GRB14: variants seen among roughly 807,000 people sequenced by gnomAD.
GRB14 encodes the protein growth factor receptor-bound protein 14.
A neutral mutation model predicts 69.1 loss-of-function variants in GRB14; 38 were observed. The observed-to-expected ratio is 0.55, with a 90% CI of 0.42 to 0.72. The LOEUF (loss-of-function observed/expected upper bound fraction) is 0.72. GRB14 is among the 30% of genes least tolerant of loss of function. The pLI is 0.00. For missense variants in GRB14, 666 were observed against 666.1 expected (o/e 1.00, Z 0.00); for synonymous variants, 247 against 241.3 (o/e 1.02, Z -0.22).
intron 3 of GRB14, among the ~76,000 whole-genome samples, chr2:164,542,907 A>G (rs1396236233): frequency 6.6e-6 from 1 of 152,210 alleles, no homozygotes; most frequent in Non-Finnish European, 1.5e-5. Flanking sequence ...TCCAAAATAA[A>G]TAAAAAGACA....
At chr2:164,539,241 A>G (rs1240469893) in intron 3 of GRB14, among the ~76,000 whole-genome samples, 3 of 152,180 alleles carry the variant, frequency 2.0e-5, no homozygotes, top group South Asian at 2.1e-4. Flanking sequence ...TTGGGAGGCC[A>G]AGGCAGATGG....
In GRB14 at chr2:164,493,095, G is replaced by A. The variant is rs1418640868; in HGVS notation, c.1564C>T (p.Leu522Phe). The part of the protein sequence containing the change: ...DLIQLVEFYQ[L>F]NKGVLPCKLK... ...TTGCAAGGAAGAACGCCCTTATTGAGTTGATAGAACTCCACCAGCTGTATT... is the reference window on the plus strand; with the variant it reads ...TTGCAAGGAAGAACGCCCTTATTGAATTGATAGAACTCCACCAGCTGTATT... The change falls in exon 14 of 14, where the codon CTC (leucine) becomes TTC (phenylalanine). Residue 522 changes from leucine to phenylalanine, a missense_variant. Physicochemically the swap from Leu to Phe is conservative, Grantham distance 22. Coordinates refer to ENST00000263915, the MANE Select transcript of GRB14 (RefSeq NM_004490.3). 1 of 1,613,614 alleles carries A rather than the reference G, an allele frequency of 6.2e-7. No individual in the cohort carries two copies. Among genetic ancestry groups the A allele is most frequent in the Admixed American group, 1.7e-5 (1 of 59,988 alleles).
intron 2 of GRB14, among the ~76,000 whole-genome samples, chr2:164,555,521 T>C (rs996022068): frequency 6.6e-6 from 1 of 152,048 alleles, no homozygotes; most frequent in Non-Finnish European, 1.5e-5. Flanking sequence ...TAGTTATCTA[T>C]GGTTATCTTC....
chr2:164,604,109 G>T (rs563970708), intron 2 of GRB14, among the ~76,000 whole-genome samples: 1 of 152,326 alleles, frequency 6.6e-6, no homozygotes, highest in East Asian at 1.9e-4. Flanking sequence ...TGATGAGAAA[G>T]TGTGGAAATG....
chr2:164,527,743 A>T (rs974400620), intron 3 of GRB14, among the ~76,000 whole-genome samples: 2 of 152,166 alleles, frequency 1.3e-5, no homozygotes, highest in Admixed American at 6.6e-5. Flanking sequence ...TACCAAGGAA[A>T]ATATATTTTG....
At chr2:164,613,035 G>A (rs573805678) in intron 2 of GRB14, among the ~76,000 whole-genome samples, 2 of 152,286 alleles carry the variant, frequency 1.3e-5, no homozygotes, top group East Asian at 3.9e-4. Context: ...GTCATCAGGG[G>A]TTAAGGGACC....
chr2:164,523,227 A>T (rs188891155), intron 5 of GRB14, among the ~76,000 whole-genome samples: 1 of 152,214 alleles, frequency 6.6e-6, no homozygotes, highest in Admixed American at 6.5e-5. Flanking sequence ...CCTGTCCCAC[A>T]AATTGTTGGC....
chr2:164,519,298 A>T lies in GRB14; in HGVS notation c.816+2682T>A, dbSNP rs1387017697. On this transcript the variant is annotated intron_variant, in intron 6 of 13. Coordinates refer to ENST00000263915, the MANE Select transcript of GRB14 (RefSeq NM_004490.3). Reference sequence around the variant, plus strand: ...CATGTTCATCTCAATAGCGTTAGTCAAAATCCAGCAACACTTTATGATAAA... The same window carrying T: ...CATGTTCATCTCAATAGCGTTAGTCTAAATCCAGCAACACTTTATGATAAA... Among the ~76,000 whole-genome samples the T allele has an allele frequency of 2.6e-5, 4 of 152,260 alleles. No individual in the cohort carries two copies. In the East Asian group the frequency reaches 7.7e-4, roughly 29 times the overall value.
chr2:164,510,654 T>C (rs925678121), intron 6 of GRB14, among the ~76,000 whole-genome samples: 5 of 151,998 alleles, frequency 3.3e-5, no homozygotes, highest in African/African-American at 1.2e-4. Flanking sequence ...AAATTTAACA[T>C]TTACACCAAA....
At chr2:164,619,594 C>T (rs1350977107) in intron 2 of GRB14, 93 bp downstream of exon 2, 5 of 821,492 alleles carry the variant, frequency 6.1e-6, no homozygotes, top group African/African-American at 3.4e-5. Context: ...CATGCTAATC[C>T]TTTGTTAATA....
intron 2 of GRB14, among the ~76,000 whole-genome samples, chr2:164,591,553 C>A (rs116042535): frequency 0.016 from 2,473 of 152,204 alleles, 35 homozygotes; most frequent in Middle Eastern, 0.054. Context: ...TGTTAATTTG[C>A]TAATTTTCAG....
chr2:164,547,899 A>T (rs1420671322), intron 2 of GRB14, 83 bp from the exon 3 acceptor site: 1 of 853,632 alleles, frequency 1.2e-6, no homozygotes, highest in African/African-American at 1.7e-5. Context: ...TTTAAAGTAT[A>T]CAACACGATA....
intron 2 of GRB14, among the ~76,000 whole-genome samples, chr2:164,580,977 C>T (rs1262340617): frequency 6.6e-6 from 1 of 152,180 alleles, no homozygotes; most frequent in Non-Finnish European, 1.5e-5. Context: ...TGAAAACATG[C>T]TCTAGTTGTT....
At chr2:164,519,869 C>T (rs550735086) in intron 6 of GRB14, among the ~76,000 whole-genome samples, 1 of 151,990 alleles carries the variant, frequency 6.6e-6, no homozygotes, top group East Asian at 1.9e-4. Flanking sequence ...ATAGATGACA[C>T]AAACAAATGG....
intron 6 of GRB14, among the ~76,000 whole-genome samples, chr2:164,511,020 G>A (rs1032441847): frequency 5.3e-5 from 8 of 152,112 alleles, no homozygotes; most frequent in Non-Finnish European, 7.4e-5. Context: ...AAGCAAAACC[G>A]AACTGAACTC....
chr2:164,525,060 T>C lies in GRB14; in HGVS notation c.622A>G (p.Met208Val), dbSNP rs761395678. 1.9e-6 allele frequency: 3 copies of C among 1,586,294 alleles called. No homozygotes were observed. Among genetic ancestry groups the C allele is most frequent in the Non-Finnish European group, 2.6e-6 (3 of 1,161,896 alleles). The change falls in exon 5 of 14, where the codon ATG becomes GTG. Residue 208 changes from methionine to valine, a missense_variant. By Grantham distance (21) the Met-to-Val change is conservative (BLOSUM62 1). Coordinates refer to ENST00000263915, the MANE Select transcript of GRB14 (RefSeq NM_004490.3). ...KNPMYFFPEH[M>V]VSFATETNGE... Reference sequence around the variant, plus strand: ...TTGGTTTCAGTTGCAAAAGATACCATATGCTCTGGAAAAAAATACTGTCAA... The same window carrying C: ...TTGGTTTCAGTTGCAAAAGATACCACATGCTCTGGAAAAAAATACTGTCAA...
intron 2 of GRB14, among the ~76,000 whole-genome samples, chr2:164,567,920 A>C (rs1001911711): frequency 2.6e-5 from 4 of 152,168 alleles, no homozygotes; most frequent in African/African-American, 9.7e-5. Context: ...ATATATTATG[A>C]ATTATGGTGA....
In GRB14 at chr2:164,554,707, G is replaced by C. The variant is rs191188755; in HGVS notation, c.325-6891C>G. Among the ~76,000 whole-genome samples the C allele has an allele frequency of 5.3e-5, 8 of 152,244 alleles. No individual in the cohort carries two copies. The East Asian group carries it at 1.5e-3, about 29-fold the overall frequency. ...GCAAATTTAATACGTAGTCACTGCAGCCCTTGCAGGGATATGCTGGAATGT... is the reference window on the plus strand; with the variant it reads ...GCAAATTTAATACGTAGTCACTGCACCCCTTGCAGGGATATGCTGGAATGT... On this transcript the variant is annotated intron_variant, in intron 2 of 13. Transcript: ENST00000263915.
intron 3 of GRB14, among the ~76,000 whole-genome samples, chr2:164,528,394 T>C (rs1687836460): frequency 6.6e-6 from 1 of 152,122 alleles, no homozygotes; most frequent in Non-Finnish European, 1.5e-5. Flanking sequence ...ATATGGAAAC[T>C]CTCTGCTGTT....
Sources: allele counts gnomAD v4.1 joint callset (sites outside exome capture counted in the v4.1 genomes callset), GRCh38; gene constraint gnomAD v4.1.1; transcripts MANE v1.5; gene names NCBI Gene and HGNC (gene_info 2026-07-23, HGNC 2026-07-21).